The following ZBTB21 variants were observed in gnomAD, a reference collection of about 807,000 sequenced individuals.
ZBTB21 encodes zinc finger and BTB domain containing 21, also known as zinc finger and BTB domain-containing protein 21.
In ZBTB21, 10 loss-of-function variants were observed where a neutral mutation model predicts 39.8. The observed-to-expected ratio is 0.25, with a 90% CI of 0.16 to 0.43. The LOEUF (loss-of-function observed/expected upper bound fraction) is 0.43. Ranked by LOEUF, ZBTB21 falls within the 20% of genes least tolerant of loss-of-function variation. The pLI is 1.00. For missense variants in ZBTB21, 1,221 were observed against 1,296.3 expected (o/e 0.94, Z 0.89); for synonymous variants, 551 against 498.8 (o/e 1.10, Z -1.40).
rs759203459 is a variant in ZBTB21, at chr21:41,993,326, C to T, written c.770G>A (p.Gly257Asp). ...QDREAMDDKP[G>D]VSGQLPKGKA... ...TCCTTTTGGAAGCTGACCACTCACA[C>T]CTGGTTTATCATCCATAGCTTCTCT... Residue 257 changes from glycine (G) to aspartate (D), a missense_variant, in exon 3 of 3, where the codon GGT (glycine) becomes GAT (aspartate). By Grantham distance (94) the Gly-to-Asp change is moderately conservative (BLOSUM62 -1). This residue lies in a region of ZBTB21 where 500 missense variants were observed against 465.6 expected (regional missense o/e 1.07). Transcript: ENST00000310826. 13 of 1,613,580 alleles carry T rather than the reference C, an allele frequency of 8.1e-6. No individual in the cohort carries two copies. The highest frequency in any genetic ancestry group is 1.1e-5 in the South Asian group (1 of 91,018).
chr21:42,000,915 TTATAGAGTA>T (rs2065809450), intron 2 of ZBTB21, among the ~76,000 whole-genome samples: 1 of 152,210 alleles, frequency 6.6e-6, no homozygotes, highest in African/African-American at 2.4e-5. Context: ...CAGAATAACT[TTATAGAGTA>T]TTTATTTTCC....
intron 1 of ZBTB21, chr21:42,007,801 AAG>A (rs1163913517): frequency 6.6e-6 from 1 of 152,238 alleles, no homozygotes; most frequent in Non-Finnish European, 1.5e-5. Context: ...CTTGAGGCTC[AAG>A]ACCTGGACTG....
chr21:41,992,987 C>T lies in ZBTB21; in HGVS notation c.1109G>A (p.Ser370Asn), dbSNP rs2065689117. Residue 370 changes from serine to asparagine, a missense_variant, in exon 3 of 3, where the codon AGT becomes AAT. Coordinates refer to ENST00000310826, the MANE Select transcript of ZBTB21 (RefSeq NM_001098402.2). This position sits in a 1 kb window ranked among gnomAD's most constrained non-coding sequence, Gnocchi z 4.1. ...KSSQGSSSVSSDAPGNVLCAL... is the reference protein window; with the variant it reads ...KSSQGSSSVSNDAPGNVLCAL... ...ACACAACACATTCCCTGGTGCATCA[C>T]TGGACACCGAAGATGATCCCTGGGA... The T allele has an allele frequency of 1.9e-6, 3 of 1,614,064 alleles. No individual in the cohort carries two copies. The highest frequency in any genetic ancestry group is 2.5e-6 in the Non-Finnish European group (3 of 1,180,034).
In ZBTB21 at chr21:41,994,028, T is replaced by A. The variant is rs1161701273; in HGVS notation, c.68A>T (p.Glu23Val). The A allele has an allele frequency of 6.2e-7, 1 of 1,614,152 alleles. No individual in the cohort carries two copies. The highest frequency in any genetic ancestry group is 1.7e-5 in the Admixed American group (1 of 60,008). ...ATCACACAGCTGTCCTTTGAGACGCTCCTCATTCAGGGCACTTAGGAGAGA... is the reference window on the plus strand; with the variant it reads ...ATCACACAGCTGTCCTTTGAGACGCACCTCATTCAGGGCACTTAGGAGAGA... ...AISLLSALNE[E>V]RLKGQLCDVL... Residue 23 changes from glutamate (E) to valine (V), a missense_variant, in exon 3 of 3, where the codon GAG (glutamate) becomes GTG (valine). Physicochemically the swap from Glu to Val is moderately radical, Grantham distance 121. Around this residue, in one of 4 missense-constraint regions of ZBTB21, gnomAD observed 108 missense variants for 155.0 expected, o/e 0.70. Coordinates refer to ENST00000310826, the MANE Select transcript of ZBTB21 (RefSeq NM_001098402.2).
rs538104601 is a variant in ZBTB21 at position 41,990,776 on chromosome 21, C to T, written c.*119G>A. ...AATTTGCCTCCAACTTAATTTCAAG[C>T]GTAACAATCTCCAACCTTTATTATT... On this transcript the variant is annotated 3_prime_UTR_variant, in exon 3 of 3. Coordinates refer to ENST00000310826, the MANE Select transcript of ZBTB21 (RefSeq NM_001098402.2). 11 of 1,014,564 alleles carry T rather than the reference C, an allele frequency of 1.1e-5. No individual in the cohort carries two copies. Among genetic ancestry groups the T allele is most frequent in the African/African-American group, 5.0e-5 (3 of 59,834 alleles). The allele number at this position is 1,014,564 out of a possible 1,614,324, so 62.8% of individuals were successfully genotyped here.
Position 41,989,416 on chromosome 21 carries a change from A to AT in ZBTB21, c.*1478dup, listed in dbSNP as rs2065620923. On this transcript the variant is annotated 3_prime_UTR_variant, in exon 3 of 3. Coordinates refer to ENST00000310826, the MANE Select transcript of ZBTB21 (RefSeq NM_001098402.2). ...TGACAGTAGTTGGCTTTTAAAAAAA[A>AT]TTTGAAAGAATACCTCGTAACACAA... is the stretch of plus-strand genomic sequence containing the variant. The AT allele has an allele frequency of 6.6e-6, 1 of 152,188 alleles. No homozygotes were observed. The highest frequency in any genetic ancestry group is 1.5e-5 in the Non-Finnish European group (1 of 68,016). 9.4% of individuals were successfully genotyped at this position (152,188 alleles called of 1,614,324 possible). A position where few individuals can be genotyped will look rare whatever the true frequency, so the allele number is the denominator to read the frequency against.
Position 41,988,764 on chromosome 21 carries a change from T to TC in ZBTB21, c.*2130_*2131insG. 2 of 152,038 alleles carry TC rather than the reference T, an allele frequency of 1.3e-5. No individual in the cohort carries two copies. Among genetic ancestry groups the TC allele is most frequent in the Middle Eastern group, 6.8e-3 (2 of 294 alleles). The allele number at this position is 152,038 out of a possible 1,614,324, so 9.4% of individuals were successfully genotyped here. A position where few individuals can be genotyped will look rare whatever the true frequency, so the allele number is the denominator to read the frequency against. On this transcript the variant is annotated 3_prime_UTR_variant, in exon 3 of 3. Coordinates refer to ENST00000310826, the MANE Select transcript of ZBTB21 (RefSeq NM_001098402.2). ...ACCTATGTTTAGATCAAAAATATTT[T>TC]TTTTTTTTACTGATTAACAATATTA...
chr21:41,993,897 G>T lies in ZBTB21; in HGVS notation c.199C>A (p.Gln67Lys), dbSNP rs752316696. ...CAGAAGTCAAGCTGAAATACAGTTT[G>T]TGACTCATTTTCCTTATTTGTGAAT... ...SLFTNKENES[Q>K]TVFQLDFCEP... The change falls in exon 3 of 3, where the codon CAA becomes AAA. Residue 67 changes from glutamine (Q) to lysine (K), a missense_variant. Gln to Lys is a moderately conservative substitution (Grantham distance 53). Around this residue, in one of 4 missense-constraint regions of ZBTB21, gnomAD observed 108 missense variants for 155.0 expected, o/e 0.70. Coordinates refer to ENST00000310826, the MANE Select transcript of ZBTB21 (RefSeq NM_001098402.2). 3.7e-6 allele frequency: 6 copies of T among 1,614,056 alleles called. 1 individual carries two copies. The South Asian group carries it at 6.6e-5, about 18-fold the overall frequency.
At chr21:42,005,230 T>C (rs1179740225) in intron 1 of ZBTB21, among the ~76,000 whole-genome samples, 6 of 152,174 alleles carry the variant, frequency 3.9e-5, no homozygotes, top group Non-Finnish European at 7.3e-5. Flanking sequence ...AACAGCCCCA[T>C]GATTTTGCTA....
chr21:41,996,136 C>T (rs1397448427), intron 2 of ZBTB21, among the ~76,000 whole-genome samples: 2 of 152,172 alleles, frequency 1.3e-5, no homozygotes, highest in Non-Finnish European at 2.9e-5. Flanking sequence ...ACATAGAGTC[C>T]CCACTGGGGC....
At position 42,010,026 on chromosome 21, in the gene ZBTB21, G is replaced by A. The variant is rs112373878; in HGVS notation, c.-79+226C>T. On this transcript the variant is annotated intron_variant, in intron 1 of 2. Coordinates refer to ENST00000310826, the MANE Select transcript of ZBTB21 (RefSeq NM_001098402.2). Reference sequence around the variant, plus strand: ...CAAGTGCTGGCAGGGAGCGTGCGCAGTGTGAAGGTACAATCGGCTACGTGG... The same window carrying A: ...CAAGTGCTGGCAGGGAGCGTGCGCAATGTGAAGGTACAATCGGCTACGTGG... 5.4e-3 allele frequency among the ~76,000 whole-genome samples: 824 copies of A among 152,378 alleles called. 6 individuals are homozygous for A. Among genetic ancestry groups the A allele is most frequent in the African/African-American group, 0.019 (789 of 41,598 alleles).
intron 1 of ZBTB21, chr21:42,009,384 G>C (rs940300328): frequency 1.3e-5 from 2 of 152,314 alleles, no homozygotes; most frequent in African/African-American, 4.8e-5. Context: ...GAAAAGCCGG[G>C]AAGAGATGTG....
Position 41,993,590 on chromosome 21 carries a change from T to A in ZBTB21, c.506A>T (p.Asp169Val), listed in dbSNP as rs755598764. The change falls in exon 3 of 3, where the codon GAT becomes GTT. Residue 169 changes from aspartate (D) to valine (V), a missense_variant. By Grantham distance (152) the Asp-to-Val change is radical. Transcript: ENST00000310826. ...QGKTVSQNQPDVSHTSRPSPS... is the reference protein window; with the variant it reads ...QGKTVSQNQPVVSHTSRPSPS... ...AGAGGGCCGGGAAGTATGGCTTACA[T>A]CGGGTTGATTTTGACTAACAGTTTT... The A allele has an allele frequency of 3.3e-5, 53 of 1,614,138 alleles. No homozygotes were observed. Among genetic ancestry groups the A allele is most frequent in the Non-Finnish European group, 4.2e-5 (50 of 1,180,056 alleles).
At chr21:41,997,007 C>T (rs1451279650) in intron 2 of ZBTB21, among the ~76,000 whole-genome samples, 1 of 152,202 alleles carries the variant, frequency 6.6e-6, no homozygotes, top group African/African-American at 2.4e-5. Context: ...CACTGAACCT[C>T]TTTTTCTTTG....
In ZBTB21 at chr21:41,988,324, T is replaced by A. The variant is rs939875209; in HGVS notation, c.*2571A>T. The stretch of plus-strand genomic sequence containing the variant: ...TGCATACTTACATGGAATAAAGAGC[T>A]TTCTACATTTTCAAAATTAATTACA... On this transcript the variant is annotated 3_prime_UTR_variant, in exon 3 of 3. Coordinates refer to ENST00000310826, the MANE Select transcript of ZBTB21 (RefSeq NM_001098402.2). 2 of 152,232 alleles carry A rather than the reference T, an allele frequency of 1.3e-5. No homozygotes were observed. The highest frequency in any genetic ancestry group is 4.8e-5 in the African/African-American group (2 of 41,462). 9.4% of individuals were successfully genotyped at this position (152,232 alleles called of 1,614,324 possible).
In ZBTB21 at chr21:41,988,075, T is replaced by A. The variant is rs184385508; in HGVS notation, c.*2820A>T. 2 of 152,240 alleles carry A rather than the reference T, an allele frequency of 1.3e-5. No individual in the cohort carries two copies. Among genetic ancestry groups the A allele is most frequent in the African/African-American group, 4.8e-5 (2 of 41,476 alleles). The allele number at this position is 152,240 out of a possible 1,614,324, so 9.4% of individuals were successfully genotyped here. A position where few individuals can be genotyped will look rare whatever the true frequency, so the allele number is the denominator to read the frequency against. On this transcript the variant is annotated 3_prime_UTR_variant, in exon 3 of 3. Transcript: ENST00000310826. ...ATATTCTGGTAAAATTATAAATGCA[T>A]ACTAACTAGTTTTAAAGGTGAATAT... is the stretch of plus-strand genomic sequence containing the variant.
At position 41,991,872 on chromosome 21, in the gene ZBTB21, G is replaced by A. The variant is rs978961345; in HGVS notation, c.2224C>T (p.Arg742Trp). Reference protein sequence around the residue: ...SSLLEQGSHERLCRNAAVCPY... With the variant: ...SSLLEQGSHEWLCRNAAVCPY... ...CAGACGGCCGCGTTCCGGCACAGCC[G>A]CTCGTGGCTTCCTTGCTCTAGGAGA... Residue 742 changes from arginine (R) to tryptophan (W), a missense_variant, in exon 3 of 3, where the codon CGG (arginine) becomes TGG (tryptophan). By Grantham distance (101) the Arg-to-Trp change is moderately radical (BLOSUM62 -3). This residue lies in a region of ZBTB21 where 523 missense variants were observed against 542.5 expected (regional missense o/e 0.96). Transcript: ENST00000310826. The surrounding 1 kb of genome is among the most constrained non-coding windows in gnomAD (Gnocchi z 4.9). 43 of 1,614,048 alleles carry A rather than the reference G, an allele frequency of 2.7e-5. No homozygotes were observed. The highest frequency in any genetic ancestry group is 5.3e-5 in the African/African-American group (4 of 74,950).
chr21:41,990,176 C>T lies in ZBTB21; in HGVS notation c.*719G>A, dbSNP rs978845512. 5 of 152,544 alleles carry T rather than the reference C, an allele frequency of 3.3e-5. No individual in the cohort carries two copies. Among genetic ancestry groups the T allele is most frequent in the African/African-American group, 1.2e-4 (5 of 41,448 alleles). The allele number at this position is 152,544 out of a possible 1,614,324, so 9.4% of individuals were successfully genotyped here. On this transcript the variant is annotated 3_prime_UTR_variant, in exon 3 of 3. Transcript: ENST00000310826. ...CACTACTGAAGCCCTTATAAACTGA[C>T]TGTAGGGGACTTCCATAAATTGTTT... is the stretch of plus-strand genomic sequence containing the variant.
At position 41,990,139 on chromosome 21, in the gene ZBTB21, A is replaced by C. The variant is rs2065631313; in HGVS notation, c.*756T>G. ...CATGTAACATGGTACAAGTTTTTAT[A>C]ACAATGTCTATCACTACTGAAGCCC... is the stretch of plus-strand genomic sequence containing the variant. On this transcript the variant is annotated 3_prime_UTR_variant, in exon 3 of 3. Coordinates refer to ENST00000310826, the MANE Select transcript of ZBTB21 (RefSeq NM_001098402.2). 1 of 152,338 alleles carries C rather than the reference A, an allele frequency of 6.6e-6. No individual in the cohort carries two copies. Among genetic ancestry groups the C allele is most frequent in the South Asian group, 2.1e-4 (1 of 4,836 alleles). 9.4% of individuals were successfully genotyped at this position (152,338 alleles called of 1,614,324 possible).
Sources: allele counts gnomAD v4.1 joint callset (sites outside exome capture counted in the v4.1 genomes callset), GRCh38; gene constraint gnomAD v4.1.1; regional missense constraint gnomAD v4.1.1; non-coding constraint Gnocchi (gnomAD v3.1); transcripts MANE v1.5; gene names NCBI Gene and HGNC (gene_info 2026-07-23, HGNC 2026-07-21).